Variants in CDH18 observed in about 807,000 individuals in gnomAD.
CDH18 encodes cadherin-18.
Under a neutral mutation model 67.9 loss-of-function variants are expected in CDH18, and 31 were observed. The observed-to-expected ratio is 0.46, with a 90% confidence interval of 0.34 to 0.62. CDH18 has a LOEUF of 0.62. Among genes scored for constraint, CDH18 ranks in the 20% least tolerant of loss-of-function variants. CDH18 has a pLI of 0.01. For synonymous variants in CDH18, 362 were observed against 347.2 expected, an observed-to-expected ratio of 1.04 and a Z score of -0.48; for missense variants, 890 against 975.5, an observed-to-expected ratio of 0.91 and a Z score of 1.17.
intron 7 of CDH18, among the ~76,000 whole-genome samples, chr5:19,575,997 CAT>C (rs1457023086): frequency 2.6e-5 from 4 of 152,094 alleles, no homozygotes; most frequent in Non-Finnish European, 5.9e-5. Context: ...CCAGGGGAAA[CAT>C]AGAAGACTTT....
intron 11 of CDH18, among the ~76,000 whole-genome samples, chr5:19,494,282 A>G (rs1039470701): frequency 3.3e-5 from 5 of 152,000 alleles, no homozygotes; most frequent in African/African-American, 1.2e-4. Flanking sequence ...ATTACATTGC[A>G]TGTGTGTTTT....
At chr5:20,280,777 C>T (rs1444214041) in intron 1 of CDH18, among the ~76,000 whole-genome samples, 2 of 152,166 alleles carry the variant, frequency 1.3e-5, no homozygotes, top group Admixed American at 6.5e-5. Context: ...CCTGAGGAAT[C>T]GCCACACTGA....
chr5:19,724,683 CAT>C (rs1766571270), intron 4 of CDH18, among the ~76,000 whole-genome samples: 1 of 151,986 alleles, frequency 6.6e-6, no homozygotes, highest in Admixed American at 6.6e-5. Flanking sequence ...GTTACCATTA[CAT>C]GCAAATCTAC....
intron 2 of CDH18, among the ~76,000 whole-genome samples, chr5:20,252,927 C>G (rs1580591399): frequency 7.1e-6 from 1 of 139,976 alleles, no homozygotes; most frequent in East Asian, 2.1e-4. Context: ...CAGAGCGAGA[C>G]TCCACCTCAA....
chr5:19,607,613 C>A (rs1239150680), intron 6 of CDH18, among the ~76,000 whole-genome samples: 1 of 151,076 alleles, frequency 6.6e-6, no homozygotes, highest in Admixed American at 6.6e-5. Flanking sequence ...AAATGATATA[C>A]CTAAATGAAA....
Position 20,207,381 on chromosome 5 carries a change from A to G in CDH18, c.-518+48063T>C, listed in dbSNP as rs147085983. Among the ~76,000 whole-genome samples the G allele has an allele frequency of 6.6e-5, 10 of 152,176 alleles. No individual in the cohort carries two copies. In the East Asian group the frequency reaches 1.9e-3, roughly 29 times the overall value. On this transcript the variant is annotated intron_variant, in intron 2 of 14. Coordinates refer to the CDH18 transcript ENST00000507958. ...CAAGCTCATGGACAGGAAAATTAATATTGTTAAAATAACAATAATACCTGT... is the reference window on the plus strand; with the variant it reads ...CAAGCTCATGGACAGGAAAATTAATGTTGTTAAAATAACAATAATACCTGT...
chr5:20,353,905 C>T (rs143139829), intron 1 of CDH18, among the ~76,000 whole-genome samples: 2 of 152,282 alleles, frequency 1.3e-5, no homozygotes, highest in East Asian at 3.9e-4. Flanking sequence ...GAGTCCCTTG[C>T]CCACCATGAT....
In CDH18 at chr5:19,471,397, T is replaced by C. The variant is rs2126474252; in HGVS notation, c.*1829A>G. On this transcript the variant is annotated 3_prime_UTR_variant, in exon 13 of 13. Coordinates refer to ENST00000382275, the MANE Select transcript of CDH18 (RefSeq NM_004934.5). ...TTACTTCCCATACCTCAAATTATAA[T>C]ATGATAGCACAGGGCAATTGCAAAC... is the stretch of plus-strand genomic sequence containing the variant. Among the ~76,000 whole-genome samples, 1 of 152,200 alleles carries C rather than the reference T, an allele frequency of 6.6e-6. No homozygotes were observed. The highest frequency in any genetic ancestry group is 2.1e-4 in the South Asian group (1 of 4,834).
chr5:20,238,059 A>G (rs1278627277), intron 2 of CDH18, among the ~76,000 whole-genome samples: 1 of 151,932 alleles, frequency 6.6e-6, no homozygotes, highest in Non-Finnish European at 1.5e-5. Context: ...GGAAAATGGT[A>G]ATCATTGTAA....
At chr5:19,508,486 T>C (rs1744588569) in intron 10 of CDH18, among the ~76,000 whole-genome samples, 1 of 152,150 alleles carries the variant, frequency 6.6e-6, no homozygotes, top group South Asian at 2.1e-4. Flanking sequence ...ATACATGATC[T>C]AATTAATACA....
At chr5:19,595,586 T>C (rs1746043168) in intron 6 of CDH18, among the ~76,000 whole-genome samples, 1 of 152,228 alleles carries the variant, frequency 6.6e-6, no homozygotes, top group Non-Finnish European at 1.5e-5. Context: ...GTTGTGCCAC[T>C]GCACTCAGCC....
intron 3 of CDH18, among the ~76,000 whole-genome samples, chr5:19,763,918 G>A (rs1383869295): frequency 1.3e-5 from 2 of 149,792 alleles, no homozygotes; most frequent in East Asian, 2.0e-4. Context: ...GGAGGCCAAG[G>A]AGGGTGGATC....
At chr5:19,916,667 GATACACA>G (rs1791828892) in intron 2 of CDH18, among the ~76,000 whole-genome samples, 1 of 152,116 alleles carries the variant, frequency 6.6e-6, no homozygotes, top group South Asian at 2.1e-4. Context: ...AAATTTAGTA[GATACACA>G]ATAGAGTTCT....
chr5:19,567,116 G>T (rs1206903824), intron 8 of CDH18, among the ~76,000 whole-genome samples: 2 of 152,058 alleles, frequency 1.3e-5, no homozygotes, highest in Non-Finnish European at 2.9e-5. Context: ...AATTGGGGAT[G>T]ATTACTGGGT....
At chr5:19,686,016 T>C (rs10472313) in intron 5 of CDH18, among the ~76,000 whole-genome samples, 5,011 of 152,280 alleles carry the variant, frequency 0.033, 269 homozygotes, top group African/African-American at 0.11. Context: ...TAAAGTATTG[T>C]ATGCTATATC....
intron 7 of CDH18, among the ~76,000 whole-genome samples, chr5:19,584,318 G>C (rs1028081210): frequency 6.6e-6 from 1 of 152,182 alleles, no homozygotes; most frequent in Non-Finnish European, 1.5e-5. Context: ...GAACGTTGCA[G>C]ACAGTCCTGC....
intron 5 of CDH18, among the ~76,000 whole-genome samples, chr5:19,702,117 C>A (rs940771456): frequency 3.4e-5 from 5 of 148,570 alleles, no homozygotes; most frequent in South Asian, 2.2e-4. Flanking sequence ...CCGCTACACT[C>A]TTCTGCAGTG....
intron 2 of CDH18, among the ~76,000 whole-genome samples, chr5:19,933,640 G>T (rs1793943359): frequency 6.6e-6 from 1 of 151,354 alleles, no homozygotes; most frequent in African/African-American, 2.4e-5. Flanking sequence ...AACCTCCATT[G>T]TTCAATCCAA....
chr5:19,840,617 G>A (rs1269552285), intron 2 of CDH18, among the ~76,000 whole-genome samples: 3 of 152,020 alleles, frequency 2.0e-5, no homozygotes, highest in South Asian at 2.1e-4. Flanking sequence ...CAGGAGAATC[G>A]CTTGAACCCA....
Sources: gnomAD v4.1 joint callset for allele counts (sites outside exome capture counted in the v4.1 genomes callset) on GRCh38, gnomAD v4.1.1 for gene constraint, MANE v1.5 for transcripts, NCBI Gene and HGNC (gene_info 2026-07-23, HGNC 2026-07-21) for gene names.